Variants in OARD1 observed in about 807,000 individuals in gnomAD.
The protein encoded by OARD1 is O-acyl-ADP-ribose deacylase 1.
A neutral mutation model predicts 19.7 loss-of-function variants in OARD1; 19 were observed. The observed-to-expected ratio is 0.96, with a 90% CI of 0.67 to 1.41. OARD1 has a LOEUF of 1.41. Among genes scored for constraint, OARD1 ranks in the 40% most tolerant of loss-of-function variants. OARD1 has a pLI of 0.00. For synonymous variants in OARD1, 70 were observed against 61.8 expected (o/e 1.13, Z -0.62); for missense variants, 190 against 183.8 (o/e 1.03, Z -0.20).
intron 1 of OARD1, chr6:41,090,123 A>AT (rs202114917): frequency 0.081 from 61,296 of 756,426 alleles, no homozygotes; most frequent in East Asian, 0.1. Context: ...CAAAAAAATA[A>AT]TTTTTTTTTT....
intron 1 of OARD1, among the ~76,000 whole-genome samples, chr6:41,078,417 T>A (rs1385924223): frequency 6.6e-6 from 1 of 152,238 alleles, no homozygotes; most frequent in East Asian, 1.9e-4. Context: ...AAGACCTATC[T>A]ACATTTTTGT....
At chr6:41,081,597 A>G (rs190289335) in intron 1 of OARD1, among the ~76,000 whole-genome samples, 55 of 152,366 alleles carry the variant, frequency 3.6e-4, no homozygotes, top group African/African-American at 1.3e-3. Context: ...ATATACATAT[A>G]CAGACACACA....
At chr6:41,090,107 CTG>C in intron 1 of OARD1, 3 of 797,420 alleles carry the variant, frequency 3.8e-6, no homozygotes, top group Admixed American at 2.4e-5. Context: ...GAGTGAGACT[CTG>C]TCTCAAAAAA....
upstream of OARD1, among the ~76,000 whole-genome samples, chr6:41,073,929 G>A (rs1036032462): frequency 6.6e-6 from 1 of 152,200 alleles, no homozygotes. Context: ...AGCGGTCTCC[G>A]TTTCTTGTCC....
intron 1 of OARD1, chr6:41,091,628 G>A (rs1232337549): frequency 6.2e-7 from 1 of 1,614,222 alleles, no homozygotes; most frequent in Non-Finnish European, 8.5e-7. Context: ...CCAGCAGTGG[G>A]CAAGGGACTG....
intron 1 of OARD1, among the ~76,000 whole-genome samples, chr6:41,077,603 A>G (rs1036365676): frequency 3.3e-5 from 5 of 152,214 alleles, no homozygotes; most frequent in Non-Finnish European, 7.3e-5. Flanking sequence ...TAACAGACTC[A>G]CAGTCTGGCT....
intron 1 of OARD1, among the ~76,000 whole-genome samples, chr6:41,079,669 A>T (rs1281326488): frequency 6.6e-6 from 1 of 152,212 alleles, no homozygotes; most frequent in Admixed American, 6.5e-5. Context: ...CTGCTGGTTT[A>T]TTCCTAATTA....
chr6:41,071,566 T>G, intron 2 of OARD1, 30 bp downstream of exon 2: 1 of 1,584,112 alleles, frequency 6.3e-7, no homozygotes, highest in Non-Finnish European at 8.7e-7. Flanking sequence ...CGAATTTCAG[T>G]TCACCAATAA....
At chr6:41,092,314 T>A (rs1401190629) in intron 1 of OARD1, among the ~76,000 whole-genome samples, 2 of 152,164 alleles carry the variant, frequency 1.3e-5, no homozygotes, top group Non-Finnish European at 2.9e-5. Context: ...ATGGCTTAAG[T>A]CCAGGAGTTT....
At chr6:41,093,004 C>G in intron 1 of OARD1, 1 of 1,614,080 alleles carries the variant, frequency 6.2e-7, no homozygotes, top group Non-Finnish European at 8.5e-7. Context: ...ACGTGAATGC[C>G]AAACAATACC....
chr6:41,073,497 C>G (rs1405847483), upstream of OARD1, among the ~76,000 whole-genome samples: 3 of 152,106 alleles, frequency 2.0e-5, 1 homozygote, highest in Admixed American at 2.0e-4. Context: ...TGGCCGCAAA[C>G]TTAAACCTGC....
At chr6:41,083,900 T>C in intron 1 of OARD1, 1 of 701,850 alleles carries the variant, frequency 1.4e-6, no homozygotes, top group South Asian at 2.5e-5. Context: ...TAAAGATAAC[T>C]TGAGGACTTG....
intron 1 of OARD1, chr6:41,093,025 T>C: frequency 6.2e-7 from 1 of 1,614,122 alleles, no homozygotes; most frequent in Non-Finnish European, 8.5e-7. Flanking sequence ...ACCGTATTCT[T>C]AAGAGGAGGC....
At chr6:41,094,567 G>T in intron 1 of OARD1, 1 of 1,164,038 alleles carries the variant, frequency 8.6e-7, no homozygotes, top group Non-Finnish European at 1.3e-6. Context: ...GCCTTCAGCA[G>T]TGTCCTCTTG....
Position 41,071,648 on chromosome 6 carries a change from T to C in OARD1, c.-14A>G, listed in dbSNP as rs1011006542. On this transcript the variant is annotated 5_prime_UTR_variant, in exon 2 of 6. The change creates a new upstream start codon in the 5' untranslated region. Coordinates refer to ENST00000424266, the MANE Select transcript of OARD1 (RefSeq NM_001329686.2). ...GCTGCTGGCCATGATACTGAGTCGC[T>C]ATTTCCAGAATTTAAGTGTTTCTTC... is the stretch of plus-strand genomic sequence containing the variant. 2 of 1,611,466 alleles carry C rather than the reference T, an allele frequency of 1.2e-6. No homozygotes were observed. The highest frequency in any genetic ancestry group is 1.3e-5 in the African/African-American group (1 of 75,032).
At chr6:41,093,042 G>A (rs773041871) in intron 1 of OARD1, 2 of 1,614,086 alleles carry the variant, frequency 1.2e-6, no homozygotes, top group Non-Finnish European at 1.7e-6. Context: ...AGGCAAGCCC[G>A]AGCTAAACTA....
At position 41,066,030 on chromosome 6, in the gene OARD1, GAAGAA is replaced by G. The variant is rs1229027631; in HGVS notation, c.*1300_*1304del. The G allele has an allele frequency of 6.6e-6, 1 of 152,218 alleles. No homozygotes were observed. The highest frequency in any genetic ancestry group is 1.9e-4 in the East Asian group (1 of 5,204). The allele number at this position is 152,218 out of a possible 1,614,324, so 9.4% of individuals were successfully genotyped here. ...TAGACGACTGGTCTTTGCAGCTTCG[GAAGAA>G]AAGAGGACTAATATTTAGACCCCAG... On this transcript the variant is annotated 3_prime_UTR_variant, in exon 6 of 6. Coordinates refer to ENST00000424266, the MANE Select transcript of OARD1 (RefSeq NM_001329686.2).
At chr6:41,089,517 C>T (rs879095560) in intron 1 of OARD1, 15 of 1,460,592 alleles carry the variant, frequency 1.0e-5, no homozygotes, top group South Asian at 4.3e-5. Context: ...GGATAACTCT[C>T]GGGGACCAAA....
chr6:41,085,139 CTG>C (rs1764010007), intron 1 of OARD1, among the ~76,000 whole-genome samples: 1 of 151,926 alleles, frequency 6.6e-6, no homozygotes, highest in Admixed American at 6.6e-5. Flanking sequence ...TAATTTAAAA[CTG>C]TAGAGTTATT....
Sources: gnomAD v4.1 joint callset for allele counts (sites outside exome capture counted in the v4.1 genomes callset) on GRCh38, gnomAD v4.1.1 for gene constraint, MANE v1.5 for transcripts, NCBI Gene and HGNC (gene_info 2026-07-23, HGNC 2026-07-21) for gene names.